Variants in NAV2 observed in about 807,000 individuals in gnomAD.
NAV2 encodes helicase, APC down-regulated 1.
NAV2 carries 54 observed loss-of-function variants against 223.2 expected under a neutral mutation model. The observed-to-expected ratio is 0.24, with a 90% confidence interval of 0.19 to 0.30. The LOEUF (loss-of-function observed/expected upper bound fraction) is 0.30, where lower values mean the gene tolerates loss of function less well. Among genes scored for constraint, NAV2 ranks in the 10% least tolerant of loss-of-function variants. The pLI, the probability that NAV2 is intolerant of heterozygous loss-of-function variation, is 1.00. For missense variants in NAV2, 2,806 were observed against 3,147.5 expected (o/e 0.89, Z 2.60); for synonymous variants, 1,279 against 1,239.3 (o/e 1.03, Z -0.67).
chr11:19,713,284 C>A lies in NAV2; in HGVS notation c.-412C>A. On this transcript the variant is annotated 5_prime_UTR_variant, in exon 1 of 38. Coordinates refer to ENST00000349880, the MANE Select transcript of NAV2 (RefSeq NM_145117.5). This position sits in a 1 kb window ranked among gnomAD's most constrained non-coding sequence, Gnocchi z 7.2. Reference sequence around the variant, plus strand: ...CGGAACGGGACTCGTGGGTCGCCGCCGCCTCTGTCTCTTCCAAAGGGGCCT... The same window carrying A: ...CGGAACGGGACTCGTGGGTCGCCGCAGCCTCTGTCTCTTCCAAAGGGGCCT... The A allele has an allele frequency of 9.8e-7, 1 of 1,016,876 alleles. No homozygotes were observed. The highest frequency in any genetic ancestry group is 1.2e-6 in the Non-Finnish European group (1 of 851,332). 63.0% of individuals were successfully genotyped at this position (1,016,876 alleles called of 1,614,324 possible). A position where few individuals can be genotyped will look rare whatever the true frequency, so the allele number is the denominator to read the frequency against.
chr11:20,015,153 G>A (rs768316460), intron 11 of NAV2, among the ~76,000 whole-genome samples: 2 of 152,030 alleles, frequency 1.3e-5, no homozygotes, highest in African/African-American at 2.4e-5. Context: ...GCTTCTTTGG[G>A]TTTTTTTCCT....
chr11:19,504,071 T>A (rs552869840), intron 1 of NAV2, among the ~76,000 whole-genome samples: 1 of 152,294 alleles, frequency 6.6e-6, no homozygotes, highest in Admixed American at 6.5e-5. Flanking sequence ...ATGTTCCACA[T>A]CATATGTCAT....
chr11:19,416,120 A>C (rs1850357880), intron 1 of NAV2, among the ~76,000 whole-genome samples: 2 of 152,146 alleles, frequency 1.3e-5, no homozygotes, highest in African/African-American at 2.4e-5. Flanking sequence ...GAAAGAAATA[A>C]AGGGTATTCA....
chr11:19,872,809 C>G (rs1414859978), intron 4 of NAV2, among the ~76,000 whole-genome samples: 1 of 152,212 alleles, frequency 6.6e-6, no homozygotes, highest in African/African-American at 2.4e-5. Context: ...TGAGTGAGCC[C>G]CATGGAGGTG....
chr11:19,678,412 C>T (rs929404409), intron 1 of NAV2, among the ~76,000 whole-genome samples: 4 of 152,270 alleles, frequency 2.6e-5, no homozygotes, highest in South Asian at 4.2e-4. Flanking sequence ...CCTGTCATCT[C>T]GCTGCAGGAT....
intron 11 of NAV2, among the ~76,000 whole-genome samples, chr11:19,993,886 C>G (rs551542651): frequency 7.2e-5 from 11 of 152,202 alleles, no homozygotes; most frequent in African/African-American, 2.7e-4. Context: ...TTACTGAGCA[C>G]CTACTATGCA....
chr11:19,530,801 C>T (rs191912893), intron 1 of NAV2, among the ~76,000 whole-genome samples: 98 of 152,328 alleles, frequency 6.4e-4, no homozygotes, highest in Admixed American at 5.5e-3. Flanking sequence ...CCTGAAAGGT[C>T]GGCCTAATTC....
rs898655073 is a variant in NAV2, at chr11:19,480,887, G to A, written c.75+129860G>A. The stretch of plus-strand genomic sequence containing the variant: ...TGTCTGTCTTTCTTTTCCCACTCAC[G>A]TGTTCCCTCTCTGAACTTTCTCTTT... On this transcript the variant is annotated intron_variant, in intron 1 of 37. Transcript: ENST00000360655. 3.9e-5 allele frequency among the ~76,000 whole-genome samples: 6 copies of A among 152,262 alleles called. No homozygotes were observed. The East Asian group carries it at 5.8e-4, about 15-fold the overall frequency.
In NAV2 at chr11:20,107,755, C is replaced by T; in HGVS notation, c.6933C>T (p.Leu2311=). 1 of 1,614,082 alleles carries T rather than the reference C, an allele frequency of 6.2e-7. No individual in the cohort carries two copies. Among genetic ancestry groups the T allele is most frequent in the South Asian group, 1.1e-5 (1 of 91,072 alleles). ...GGAACTATTCCATTATCCCCTATCT[C>T]CTGGAAGCCGTCAGAGAAGGACTCC... ...DLWNYSIIPY[L]LEAVREGLQL... The change falls in exon 36 of 38, where the codon CTC becomes CTT. Residue 2311 remains leucine, a synonymous_variant. Coordinates refer to ENST00000349880, the MANE Select transcript of NAV2 (RefSeq NM_145117.5).
intron 1 of NAV2, among the ~76,000 whole-genome samples, chr11:19,717,704 G>T (rs1285831370): frequency 6.6e-6 from 1 of 152,222 alleles, no homozygotes; most frequent in South Asian, 2.1e-4. Context: ...GTGCAGGGTA[G>T]TTGTGAGAAG....
At chr11:19,672,642 GC>G (rs1022411886) in intron 1 of NAV2, among the ~76,000 whole-genome samples, 3 of 152,128 alleles carry the variant, frequency 2.0e-5, no homozygotes, top group African/African-American at 7.2e-5. Context: ...GGAGGGATAT[GC>G]TGAGGGTAAT....
chr11:19,884,179 G>C (rs565752906), intron 5 of NAV2: 38 of 704,352 alleles, frequency 5.4e-5, no homozygotes, highest in South Asian at 2.0e-4. Flanking sequence ...CAGTGGGCAG[G>C]GGGGGAAAGA....
intron 15 of NAV2, 47 bp from the exon 16 acceptor site, chr11:20,049,789 C>T: frequency 1.9e-6 from 3 of 1,575,682 alleles, no homozygotes; most frequent in African/African-American, 1.3e-5. Context: ...CTCCTTTCTT[C>T]CAAGCTAACG....
intron 1 of NAV2, among the ~76,000 whole-genome samples, chr11:19,674,918 T>C (rs1203770175): frequency 1.3e-5 from 2 of 152,148 alleles, no homozygotes; most frequent in Non-Finnish European, 2.9e-5. Flanking sequence ...AATGGGGAAA[T>C]AGTTGCACCA....
At chr11:19,420,745 C>A (rs2729926) in intron 1 of NAV2, among the ~76,000 whole-genome samples, 140,680 of 152,258 alleles carry the variant, frequency 0.92, 65,018 homozygotes, top group Middle Eastern at 0.95. Context: ...GGAGCAAGAG[C>A]GTGACCATAA....
At chr11:19,955,131 G>T (rs1215881836) in intron 10 of NAV2, among the ~76,000 whole-genome samples, 1 of 152,084 alleles carries the variant, frequency 6.6e-6, no homozygotes, top group Non-Finnish European at 1.5e-5. Flanking sequence ...TGTTGGCTGG[G>T]CATGGTGACT....
intron 1 of NAV2, among the ~76,000 whole-genome samples, chr11:19,622,066 T>C (rs1280042146): frequency 6.6e-6 from 1 of 152,228 alleles, no homozygotes; most frequent in East Asian, 1.9e-4. Context: ...TTGAGTGCTT[T>C]TGAGTGAGTT....
chr11:20,027,154 C>G (rs981720521), intron 11 of NAV2: 3 of 572,554 alleles, frequency 5.2e-6, no homozygotes, highest in Non-Finnish European at 6.6e-6. Flanking sequence ...ATGATGCTCC[C>G]GAGAAAACCT....
chr11:19,776,265 G>T (rs1344326136), intron 1 of NAV2, among the ~76,000 whole-genome samples: 1 of 152,166 alleles, frequency 6.6e-6, no homozygotes, highest in East Asian at 1.9e-4. Flanking sequence ...AGTTGCTGGG[G>T]ACCCCTGGAG....
Sources: gnomAD v4.1 joint callset for allele counts (sites outside exome capture counted in the v4.1 genomes callset) on GRCh38, gnomAD v4.1.1 for gene constraint, Gnocchi (gnomAD v3.1) non-coding constraint, MANE v1.5 for transcripts, NCBI Gene and HGNC (gene_info 2026-07-23, HGNC 2026-07-21) for gene names.